Variants in GLI2 observed in about 807,000 individuals in gnomAD.
GLI2 encodes the protein transcription activator GLI2.
In GLI2, 22 loss-of-function variants were observed where a neutral mutation model predicts 78.9. That is an observed-to-expected ratio of 0.28 (90% CI 0.20 to 0.40). The LOEUF (loss-of-function observed/expected upper bound fraction) is 0.40. Among genes scored for constraint, GLI2 ranks in the 10% least tolerant of loss-of-function variants. The pLI, the probability that GLI2 is intolerant of heterozygous loss-of-function variation, is 1.00. For missense variants in GLI2, 2,097 were observed against 2,213.2 expected (o/e 0.95, Z 1.05); for synonymous variants, 974 against 963.7 (o/e 1.01, Z -0.20).
At chr2:120,764,720 A>G (rs1683316807) in intron 1 of GLI2, among the ~76,000 whole-genome samples, 1 of 152,224 alleles carries the variant, frequency 6.6e-6, no homozygotes, top group Admixed American at 6.5e-5. Flanking sequence ...TCCAGATGTT[A>G]AAAGTGCGTG....
intron 1 of GLI2, among the ~76,000 whole-genome samples, chr2:120,789,896 C>T (rs1309499340): frequency 6.6e-6 from 1 of 152,200 alleles, no homozygotes; most frequent in Non-Finnish European, 1.5e-5. Context: ...AGATATTGGC[C>T]CAGTAGGAGT....
rs563419162 is a variant in GLI2 at position 120,941,456 on chromosome 2, CTG to C, written c.255-9785_255-9784del. The stretch of plus-strand genomic sequence containing the variant: ...CCATCCAGAGGAGCGTTCTGGAGCT[CTG>C]TTTCTATTTGTCGGTAGAGCCGAGG... On this transcript the variant is annotated intron_variant, in intron 3 of 13. Transcript: ENST00000361492. Among the ~76,000 whole-genome samples the C allele has an allele frequency of 2.6e-3, 395 of 152,298 alleles. 1 individual carries two copies. Among genetic ancestry groups the C allele is most frequent in the African/African-American group, 8.6e-3 (357 of 41,562 alleles).
intron 2 of GLI2, among the ~76,000 whole-genome samples, chr2:120,922,310 T>A (rs186013963): frequency 6.6e-6 from 1 of 152,204 alleles, no homozygotes; most frequent in African/African-American, 2.4e-5. Flanking sequence ...TCTGGGCAGG[T>A]CCCTGGTCTT....
intron 2 of GLI2, among the ~76,000 whole-genome samples, chr2:120,849,326 A>G (rs935090108): frequency 1.3e-5 from 2 of 152,194 alleles, no homozygotes; most frequent in African/African-American, 2.4e-5. Flanking sequence ...GTCTTATGTT[A>G]TATATATTTT....
intron 2 of GLI2, among the ~76,000 whole-genome samples, chr2:120,858,862 G>C (rs1215229363): frequency 6.6e-6 from 1 of 152,182 alleles, no homozygotes; most frequent in Non-Finnish European, 1.5e-5. Context: ...ATCTCATTTG[G>C]AAAGTGTTTC....
At chr2:120,915,969 G>T (rs1170685887) in intron 2 of GLI2, among the ~76,000 whole-genome samples, 1 of 152,204 alleles carries the variant, frequency 6.6e-6, no homozygotes, top group Non-Finnish European at 1.5e-5. Context: ...TGCCTAGTAG[G>T]CGCATGGACA....
chr2:120,934,490 G>T (rs569311760), intron 3 of GLI2, among the ~76,000 whole-genome samples: 15 of 152,314 alleles, frequency 9.8e-5, no homozygotes, highest in African/African-American at 3.4e-4. Flanking sequence ...GGTTTGCATT[G>T]CATTGGCAGT....
chr2:120,842,928 G>C (rs975232516), intron 2 of GLI2, among the ~76,000 whole-genome samples: 2 of 152,188 alleles, frequency 1.3e-5, no homozygotes, highest in African/African-American at 4.8e-5. Context: ...TGCTTACTCA[G>C]ACCTTCAGTG....
At chr2:120,820,968 C>T in intron 2 of GLI2, among the ~76,000 whole-genome samples, 1 of 151,968 alleles carries the variant, frequency 6.6e-6, no homozygotes, top group East Asian at 1.9e-4. Flanking sequence ...TGCCATGTGC[C>T]GACTCAGTAA....
At chr2:120,805,019 A>G (rs4848632) in intron 2 of GLI2, among the ~76,000 whole-genome samples, 78,807 of 152,124 alleles carry the variant, frequency 0.52, 22,383 homozygotes, top group South Asian at 0.7. Flanking sequence ...TCTGGCTACC[A>G]TGGAACTAAG....
At chr2:120,817,654 AAGACCCTCTCAGCTGTCTCTGCCC>A (rs1573423716) in intron 2 of GLI2, among the ~76,000 whole-genome samples, 1 of 152,142 alleles carries the variant, frequency 6.6e-6, no homozygotes, top group African/African-American at 2.4e-5. Flanking sequence ...CCTGGGTAGC[AAGACCCTCTCAGCTGTCTCTGCCC>A]AGACCCCTAT....
intron 1 of GLI2, among the ~76,000 whole-genome samples, chr2:120,754,917 A>G (rs1682996022): frequency 6.6e-6 from 1 of 151,460 alleles, no homozygotes; most frequent in South Asian, 2.1e-4. Flanking sequence ...CAATGGCGCA[A>G]TCTTGGCTCA....
chr2:120,986,240 C>T (rs777167262), intron 12 of GLI2, 38 bp from the exon 13 acceptor site: 1 of 1,575,210 alleles, frequency 6.3e-7, no homozygotes, highest in East Asian at 2.2e-5. Flanking sequence ...GAATCTGATA[C>T]CCTCTGAGTC....
intron 2 of GLI2, among the ~76,000 whole-genome samples, chr2:120,879,217 G>A (rs747326623): frequency 7.2e-5 from 11 of 152,244 alleles, no homozygotes; most frequent in Middle Eastern, 3.4e-3. Context: ...GAGGCCTTTC[G>A]CCAGACACTG....
chr2:120,768,559 C>T (rs1044133752), intron 1 of GLI2, among the ~76,000 whole-genome samples: 2 of 152,242 alleles, frequency 1.3e-5, no homozygotes, highest in Admixed American at 1.3e-4. Flanking sequence ...TCTCCAACGC[C>T]TTTGGCATGA....
At chr2:120,817,312 C>A (rs980212936) in intron 2 of GLI2, among the ~76,000 whole-genome samples, 6 of 152,190 alleles carry the variant, frequency 3.9e-5, no homozygotes, top group Admixed American at 2.0e-4. Context: ...GGGTCTCTCC[C>A]CCAGCTCCCA....
intron 2 of GLI2, among the ~76,000 whole-genome samples, chr2:120,859,451 CCTTTT>C (rs1420582932): frequency 7.7e-6 from 1 of 129,674 alleles, no homozygotes; most frequent in Non-Finnish European, 1.6e-5. Flanking sequence ...GATACTCCCT[CCTTTT>C]TTTTTTTTTT....
In GLI2 at chr2:120,951,339, C is replaced by A; in HGVS notation, c.351C>A (p.Ala117=). The stretch of plus-strand genomic sequence containing the variant: ...GCCCTGGGGAGTCCCCCTTCAACGC[C>A]CCCCACCCGTACGTGAACCCCCACA... ...PAGPGESPFN[A]PHPYVNPHME... The change falls in exon 4 of 14, where the codon GCC becomes GCA. Residue 117 remains alanine (A), a synonymous_variant. Transcript: ENST00000361492. The A allele has an allele frequency of 6.3e-7, 1 of 1,581,058 alleles. No individual in the cohort carries two copies. Among genetic ancestry groups the A allele is most frequent in the Non-Finnish European group, 8.7e-7 (1 of 1,149,992 alleles).
At chr2:120,763,734 G>A (rs904153690) in intron 1 of GLI2, among the ~76,000 whole-genome samples, 4 of 152,228 alleles carry the variant, frequency 2.6e-5, no homozygotes, top group African/African-American at 7.2e-5. Flanking sequence ...CCCCACGCCC[G>A]GAAGCATTGC....
Sources: allele counts gnomAD v4.1 joint callset (sites outside exome capture counted in the v4.1 genomes callset), GRCh38; gene constraint gnomAD v4.1.1; transcripts MANE v1.5; gene names NCBI Gene and HGNC (gene_info 2026-07-23, HGNC 2026-07-21).